The following RARB variants were observed in gnomAD, a reference collection of about 807,000 sequenced individuals.
The protein encoded by RARB is retinoic acid receptor beta.
RARB carries 17 observed loss-of-function variants against 51.9 expected under a neutral mutation model. The observed-to-expected ratio is 0.33, with a 90% CI of 0.22 to 0.49. RARB has a LOEUF of 0.49. Among genes scored for constraint, RARB ranks in the 20% least tolerant of loss-of-function variants. The pLI is 0.99. For missense variants in RARB, 369 were observed against 550.8 expected, an observed-to-expected ratio of 0.67 and a Z score of 3.30; for synonymous variants, 215 against 195.4, an observed-to-expected ratio of 1.10 and a Z score of -0.84.
intron 5 of RARB, among the ~76,000 whole-genome samples, chr3:25,585,365 G>A (rs530977564): frequency 6.9e-4 from 105 of 152,302 alleles, no homozygotes; most frequent in African/African-American, 2.4e-3. Context: ...CCCTGGAAGA[G>A]TTTCCAGCCT....
At chr3:25,073,102 G>T (rs1698802873) in intron 3 of RARB, among the ~76,000 whole-genome samples, 3 of 152,150 alleles carry the variant, frequency 2.0e-5, no homozygotes, top group Admixed American at 2.0e-4. Flanking sequence ...AGACACCCCA[G>T]AACAAGAATT....
chr3:24,912,972 A>ATTTTTTTTTTTTTTTTTT (rs71622787), intron 2 of RARB, among the ~76,000 whole-genome samples: 30 of 57,624 alleles, frequency 5.2e-4, no homozygotes, highest in Admixed American at 1.0e-3. Context: ...CAAGGTACTG[A>ATTTTTTTTTTTTTTTTTT]TTCTTTTTTT....
chr3:25,280,144 G>T (rs967507843), intron 5 of RARB, among the ~76,000 whole-genome samples: 1 of 152,186 alleles, frequency 6.6e-6, no homozygotes, highest in Non-Finnish European at 1.5e-5. Flanking sequence ...TTGTGCTTAG[G>T]TTTGACAAAG....
At chr3:25,080,998 C>G (rs996977116) in intron 3 of RARB, among the ~76,000 whole-genome samples, 42 of 152,064 alleles carry the variant, frequency 2.8e-4, no homozygotes, top group African/African-American at 9.2e-4. Context: ...AATTTCTGAT[C>G]TGATCTCTTT....
chr3:25,085,994 A>AG (rs1004310183), intron 3 of RARB, among the ~76,000 whole-genome samples: 12 of 152,294 alleles, frequency 7.9e-5, no homozygotes, highest in Non-Finnish European at 1.8e-4. Flanking sequence ...GTAACAATGC[A>AG]GGGACTCAAG....
At chr3:24,998,450 A>C (rs1351803561) in intron 2 of RARB, among the ~76,000 whole-genome samples, 1 of 151,898 alleles carries the variant, frequency 6.6e-6, no homozygotes, top group Non-Finnish European at 1.5e-5. Context: ...TTTCATTGTC[A>C]CCACAAAGAC....
chr3:25,034,121 C>T (rs1232604936), intron 2 of RARB, among the ~76,000 whole-genome samples: 1 of 152,104 alleles, frequency 6.6e-6, no homozygotes, highest in Non-Finnish European at 1.5e-5. Context: ...ACCAGTCTGG[C>T]CAACATGGTG....
Position 25,496,949 on chromosome 3 carries a change from A to G in RARB, c.307-4233A>G, listed in dbSNP as rs139046780. ...ACCCAAGCTGGAGTGCAGTGGCACA[A>G]TCTCAGCTCACTGCAACCTCTGCCT... On this transcript the variant is annotated intron_variant, in intron 2 of 7. Transcript: ENST00000330688. 3.4e-3 allele frequency among the ~76,000 whole-genome samples: 511 copies of G among 152,326 alleles called. 1 individual carries two copies. Among genetic ancestry groups the G allele is most frequent in the Non-Finnish European group, 4.7e-3 (321 of 68,028 alleles).
At chr3:25,061,901 A>AT (rs773677364) in intron 3 of RARB, among the ~76,000 whole-genome samples, 48 of 151,858 alleles carry the variant, frequency 3.2e-4, no homozygotes, top group Non-Finnish European at 5.0e-4. Context: ...TAATTAAAAC[A>AT]TTTTGGCACT....
intron 3 of RARB, among the ~76,000 whole-genome samples, chr3:25,078,511 T>C (rs1052958072): frequency 1.3e-5 from 2 of 151,048 alleles, no homozygotes; most frequent in East Asian, 2.0e-4. Context: ...AACTTTAAGA[T>C]AGTGCAAGTC....
At chr3:25,033,849 T>C (rs1432847218) in intron 2 of RARB, among the ~76,000 whole-genome samples, 2 of 152,224 alleles carry the variant, frequency 1.3e-5, no homozygotes, top group African/African-American at 4.8e-5. Context: ...TCTCCTAGCT[T>C]ACATTACCGA....
intron 5 of RARB, among the ~76,000 whole-genome samples, chr3:25,361,044 G>A (rs1705917497): frequency 6.6e-6 from 1 of 152,158 alleles, no homozygotes; most frequent in Admixed American, 6.5e-5. Context: ...GGTTGGGGAA[G>A]TTCTCCTGGA....
rs142876353 is a variant in RARB, at chr3:25,182,385, G to A, written c.178+7810G>A. ...GGCATGGTGCTGGGAACAGCGATAT[G>A]CAGAAGACCCAGGGAAAGCAGGAAA... is the stretch of plus-strand genomic sequence containing the variant. On this transcript the variant is annotated intron_variant, in intron 5 of 11. Coordinates refer to the RARB transcript ENST00000383772. Among the ~76,000 whole-genome samples, 357 of 152,310 alleles carry A rather than the reference G, an allele frequency of 2.3e-3. 3 individuals are homozygous for A. Among genetic ancestry groups the A allele is most frequent in the African/African-American group, 7.9e-3 (329 of 41,580 alleles).
At chr3:25,168,385 C>A (rs770801837) in intron 4 of RARB, among the ~76,000 whole-genome samples, 9 of 151,902 alleles carry the variant, frequency 5.9e-5, no homozygotes, top group Admixed American at 3.3e-4. Context: ...CCACCATGCC[C>A]GGCTAATTTT....
intron 5 of RARB, among the ~76,000 whole-genome samples, chr3:25,343,736 C>A (rs749443099): frequency 6.6e-6 from 1 of 152,002 alleles, no homozygotes; most frequent in Non-Finnish European, 1.5e-5. Flanking sequence ...AACTATGTAA[C>A]CCCAAAAGGA....
chr3:25,593,747 G>C, intron 6 of RARB, 40 bp downstream of exon 6: 1 of 1,583,702 alleles, frequency 6.3e-7, no homozygotes, highest in Non-Finnish European at 8.7e-7. Context: ...ATTCCATGAA[G>C]AACAGTTTAT....
intron 3 of RARB, among the ~76,000 whole-genome samples, chr3:25,099,667 T>C (rs528380002): frequency 1.9e-3 from 289 of 151,370 alleles, no homozygotes; most frequent in African/African-American, 6.8e-3. Flanking sequence ...TGCCCAAACA[T>C]TTGTGTAAAG....
intron 5 of RARB, among the ~76,000 whole-genome samples, chr3:25,265,977 C>G (rs112594481): frequency 5.9e-5 from 9 of 152,246 alleles, no homozygotes; most frequent in African/African-American, 2.2e-4. Context: ...TGGCAACTCT[C>G]AACCTAGTCA....
At chr3:25,420,026 T>A (rs557497943) in intron 5 of RARB, among the ~76,000 whole-genome samples, 1 of 152,188 alleles carries the variant, frequency 6.6e-6, no homozygotes, top group East Asian at 1.9e-4. Flanking sequence ...ACCCTGATGT[T>A]TGAAAGAAGA....
Sources: gnomAD v4.1 joint callset for allele counts (sites outside exome capture counted in the v4.1 genomes callset) on GRCh38, gnomAD v4.1.1 for gene constraint, MANE v1.5 for transcripts, NCBI Gene and HGNC (gene_info 2026-07-23, HGNC 2026-07-21) for gene names.